Variants in PIEZO2 observed in about 807,000 individuals in gnomAD.
PIEZO2 encodes the protein piezo-type mechanosensitive ion channel component 2.
Under a neutral mutation model 337.3 loss-of-function variants are expected in PIEZO2, and 172 were observed. That is an observed-to-expected ratio of 0.51 (90% CI 0.45 to 0.58). The LOEUF (loss-of-function observed/expected upper bound fraction) is 0.58, where lower values mean the gene tolerates loss of function less well. Ranked by LOEUF, PIEZO2 falls within the 20% of genes least tolerant of loss-of-function variation. The probability of loss-of-function intolerance (pLI) is 0.00; values close to 1 mark genes in which losing one functional copy is unlikely to be tolerated. For synonymous variants in PIEZO2, 1,251 were observed against 1,228.5 expected, an observed-to-expected ratio of 1.02 and a Z score of -0.38; for missense variants, 3,028 against 3,391.3, an observed-to-expected ratio of 0.89 and a Z score of 2.66.
intron 7 of PIEZO2, among the ~76,000 whole-genome samples, chr18:10,845,914 A>T (rs2041344073): frequency 6.6e-6 from 1 of 152,256 alleles, no homozygotes; most frequent in East Asian, 1.9e-4. Context: ...CCACGTTAAG[A>T]ACCATGGCTA....
In PIEZO2 at chr18:10,708,447, C is replaced by T. The variant is rs944633165; in HGVS notation, c.5424-8G>A. On this transcript the variant is annotated splice_region_variant and splice_polypyrimidine_tract_variant and intron_variant, in intron 39 of 55. Transcript: ENST00000674853. ...GTTGCTTCAGTGTAGCAGCTAGCAG[C>T]GCAAACAGTTACAGAAACACAGTGT... 6 of 152,614 alleles carry T rather than the reference C, an allele frequency of 3.9e-5. No individual in the cohort carries two copies. The highest frequency in any genetic ancestry group is 8.8e-5 in the Non-Finnish European group (6 of 68,056). The allele number at this position is 152,614 out of a possible 1,614,324, so 9.5% of individuals were successfully genotyped here.
At chr18:10,788,982 GTT>G in intron 15 of PIEZO2, 95 bp downstream of exon 15, 1 of 1,302,252 alleles carries the variant, frequency 7.7e-7, no homozygotes, top group Non-Finnish European at 1.0e-6. Context: ...CTTTATCCAT[GTT>G]CATGAGATTC....
chr18:11,099,513 T>C lies in PIEZO2; in HGVS notation c.65-33291A>G, dbSNP rs939848242. Among the ~76,000 whole-genome samples the C allele has an allele frequency of 1.3e-5, 2 of 152,168 alleles. No individual in the cohort carries two copies. Among genetic ancestry groups the C allele is most frequent in the African/African-American group, 2.4e-5 (1 of 41,444 alleles). On this transcript the variant is annotated intron_variant, in intron 1 of 55. Coordinates refer to ENST00000674853, the MANE Select transcript of PIEZO2 (RefSeq NM_001378183.1). This position sits in a 1 kb window ranked among gnomAD's most constrained non-coding sequence, Gnocchi z 5.4. ...ACAGAGTCTCACTTTGTCGCCCAGG[T>C]TGGTATGCAATGGCATGATCTCGGC...
intron 31 of PIEZO2, among the ~76,000 whole-genome samples, chr18:10,743,747 C>G (rs1203779671): frequency 1.3e-5 from 2 of 152,156 alleles, no homozygotes; most frequent in Non-Finnish European, 2.9e-5. Flanking sequence ...TGAGCAAGAC[C>G]TTGTGTCATT....
At chr18:11,086,387 C>T (rs2038912509) in intron 1 of PIEZO2, among the ~76,000 whole-genome samples, 1 of 151,588 alleles carries the variant, frequency 6.6e-6, no homozygotes, top group Admixed American at 6.6e-5. Context: ...GGGCGTGGTG[C>T]GGGCGCCTGT....
chr18:11,075,116 A>G (rs2038484177), intron 1 of PIEZO2, among the ~76,000 whole-genome samples: 1 of 152,226 alleles, frequency 6.6e-6, no homozygotes, highest in East Asian at 1.9e-4. Flanking sequence ...AGATAGGTAA[A>G]CATTACTCCG....
At chr18:11,034,016 CT>C (rs1194632698) in intron 2 of PIEZO2, among the ~76,000 whole-genome samples, 3 of 152,114 alleles carry the variant, frequency 2.0e-5, no homozygotes, top group Non-Finnish European at 2.9e-5. Context: ...ATTCGACAGT[CT>C]TTAAAAGTCC....
rs2036473063 is a variant in PIEZO2, at chr18:10,724,988, A to T, written c.5029+6419T>A. ...GCAGCCTCCCTGCCTCACATTACTA[A>T]GACTCAAAGCGATGCAGGCCATAGT... On this transcript the variant is annotated intron_variant, in intron 36 of 55. Coordinates refer to ENST00000674853, the MANE Select transcript of PIEZO2 (RefSeq NM_001378183.1). This position sits in a 1 kb window ranked among gnomAD's most constrained non-coding sequence, Gnocchi z 5.8. The T allele has an allele frequency of 6.3e-7, 1 of 1,587,828 alleles. No homozygotes were observed. Among genetic ancestry groups the T allele is most frequent in the Non-Finnish European group, 8.6e-7 (1 of 1,161,158 alleles).
At chr18:11,087,531 G>A (rs1208822292) in intron 1 of PIEZO2, among the ~76,000 whole-genome samples, 1 of 152,188 alleles carries the variant, frequency 6.6e-6, no homozygotes, top group Non-Finnish European at 1.5e-5. Flanking sequence ...TTCTCAAGAA[G>A]CTTATGACCT....
Position 11,001,905 on chromosome 18 carries a change from AGAAGGAAGGAAGGAAGGAAG to A in PIEZO2, c.161-22265_161-22246del, listed in dbSNP as rs56275136. 4.7e-3 allele frequency among the ~76,000 whole-genome samples: 658 copies of A among 139,312 alleles called. 2 individuals are homozygous for A. The highest frequency in any genetic ancestry group is 0.011 in the African/African-American group (410 of 35,996). The allele number at this position is 139,312 out of a possible 152,430, so 91.4% of individuals were successfully genotyped here. On this transcript the variant is annotated intron_variant, in intron 2 of 55. Transcript: ENST00000674853. The surrounding 1 kb of genome is among the most constrained non-coding windows in gnomAD (Gnocchi z 5.3). ...AAAAGGAGAAAAAGGGAAGGAAGGAAGAAGGAAGGAAGGAAGGAAGGAAGGAAGGAAGGAAGGAAGGAAGA... is the reference window on the plus strand; with the variant it reads ...AAAAGGAGAAAAAGGGAAGGAAGGAAGAAGGAAGGAAGGAAGGAAGGAAGA...
intron 49 of PIEZO2, among the ~76,000 whole-genome samples, chr18:10,685,716 C>A (rs1257149043): frequency 6.6e-6 from 1 of 152,286 alleles, no homozygotes; most frequent in East Asian, 1.9e-4. Flanking sequence ...ATTTGGAAAC[C>A]CCCTTCCTAA....
intron 7 of PIEZO2, among the ~76,000 whole-genome samples, chr18:10,811,300 T>C (rs574668259): frequency 1.3e-5 from 2 of 152,356 alleles, no homozygotes; most frequent in African/African-American, 4.8e-5. Context: ...AATTTGAATT[T>C]CTGCTATTTT....
At chr18:10,829,465 G>C (rs2040776939) in intron 7 of PIEZO2, among the ~76,000 whole-genome samples, 1 of 152,106 alleles carries the variant, frequency 6.6e-6, no homozygotes, top group Admixed American at 6.5e-5. Flanking sequence ...AATCAGATAA[G>C]AGGAAGAAAT....
intron 3 of PIEZO2, among the ~76,000 whole-genome samples, chr18:10,915,745 C>G (rs1436684141): frequency 6.6e-6 from 1 of 152,080 alleles, no homozygotes; most frequent in African/African-American, 2.4e-5. Flanking sequence ...TCTTATTTAC[C>G]CATTGGATCG....
intron 4 of PIEZO2, among the ~76,000 whole-genome samples, chr18:10,876,550 G>A (rs768899176): frequency 3.3e-5 from 5 of 152,046 alleles, no homozygotes; most frequent in African/African-American, 9.7e-5. Context: ...TTTGGAAGTC[G>A]GTAAATCTCA....
chr18:10,793,895 C>T (rs910146802), intron 13 of PIEZO2, among the ~76,000 whole-genome samples: 1 of 152,114 alleles, frequency 6.6e-6, no homozygotes, highest in Non-Finnish European at 1.5e-5. Context: ...ACCCAAAAAT[C>T]TGTTACGAAG....
Position 10,682,045 on chromosome 18 carries a change from T to G in PIEZO2, c.7686+59A>C. ...TGACTAAACACCCTACAGACAGCTATCATAAAGGAATGTGGCGTGGGGCAA... is the reference window on the plus strand; with the variant it reads ...TGACTAAACACCCTACAGACAGCTAGCATAAAGGAATGTGGCGTGGGGCAA... On this transcript the variant is annotated intron_variant, in intron 50 of 55. Coordinates refer to ENST00000674853, the MANE Select transcript of PIEZO2 (RefSeq NM_001378183.1). This position sits in a 1 kb window ranked among gnomAD's most constrained non-coding sequence, Gnocchi z 5.6. 6.9e-7 allele frequency: 1 copy of G among 1,447,286 alleles called. No individual in the cohort carries two copies. The highest frequency in any genetic ancestry group is 1.3e-5 in the South Asian group (1 of 74,566). 89.7% of individuals were successfully genotyped at this position (1,447,286 alleles called of 1,614,324 possible). A position where few individuals can be genotyped will look rare whatever the true frequency, so the allele number is the denominator to read the frequency against.
In PIEZO2 at chr18:10,762,957, T is replaced by C. The variant is rs1247903868; in HGVS notation, c.3088A>G (p.Ile1030Val). 6 of 1,537,174 alleles carry C rather than the reference T, an allele frequency of 3.9e-6. No individual in the cohort carries two copies. The African/African-American group carries it at 5.5e-5, about 14-fold the overall frequency. The change falls in exon 22 of 56, where the codon ATT (isoleucine) becomes GTT (valine). Residue 1030 changes from isoleucine (I) to valine (V), a missense_variant. By Grantham distance (29) the Ile-to-Val change is conservative. Transcript: ENST00000674853. ...VCKMLYQLQT[I>V]KPENFSVNCS... ...TTAACAGAGAAGTTCTCAGGCTTAATGGTTTGGAGCTGGTACAACATTTTG... is the reference window on the plus strand; with the variant it reads ...TTAACAGAGAAGTTCTCAGGCTTAACGGTTTGGAGCTGGTACAACATTTTG...
intron 5 of PIEZO2, among the ~76,000 whole-genome samples, chr18:10,860,676 G>A (rs1473031796): frequency 2.0e-5 from 3 of 152,188 alleles, no homozygotes; most frequent in African/African-American, 7.2e-5. Flanking sequence ...GCCAAAGAAA[G>A]AACACAGCAA....
Sources: allele counts gnomAD v4.1 joint callset (sites outside exome capture counted in the v4.1 genomes callset), GRCh38; gene constraint gnomAD v4.1.1; non-coding constraint Gnocchi (gnomAD v3.1); transcripts MANE v1.5; gene names NCBI Gene and HGNC (gene_info 2026-07-23, HGNC 2026-07-21).